DYNC1I2: variants seen among roughly 807,000 people sequenced by gnomAD.
DYNC1I2 encodes the protein cytoplasmic dynein 1 intermediate chain 2.
DYNC1I2 carries 53 observed loss-of-function variants against 88.6 expected under a neutral mutation model. The ratio of observed to expected loss-of-function variants is 0.60; its 90% CI spans 0.48 to 0.75. The LOEUF (loss-of-function observed/expected upper bound fraction) is 0.75. Ranked by LOEUF, DYNC1I2 falls within the 30% of genes least tolerant of loss-of-function variation. DYNC1I2 has a pLI of 0.00. For synonymous variants in DYNC1I2, 198 were observed against 254.6 expected, an observed-to-expected ratio of 0.78 and a Z score of 2.12; for missense variants, 458 against 766.6, an observed-to-expected ratio of 0.60 and a Z score of 4.75.
chr2:171,708,753 C>A (rs560094480), intron 5 of DYNC1I2, among the ~76,000 whole-genome samples: 1 of 151,894 alleles, frequency 6.6e-6, no homozygotes, highest in African/African-American at 2.4e-5. Flanking sequence ...AGGGCAGTGG[C>A]GCAATCTTGG....
At chr2:171,743,353 ATATGAG>A (rs1217139329) in intron 15 of DYNC1I2, among the ~76,000 whole-genome samples, 1 of 152,168 alleles carries the variant, frequency 6.6e-6, no homozygotes, top group African/African-American at 2.4e-5. Context: ...GCAGAAGAAA[ATATGAG>A]TATAAGTGGA....
chr2:171,736,403 A>G (rs534389615), intron 15 of DYNC1I2, among the ~76,000 whole-genome samples: 9 of 152,204 alleles, frequency 5.9e-5, no homozygotes, highest in Non-Finnish European at 1.3e-4. Flanking sequence ...AATGAAAAAC[A>G]TAACTGCCAG....
At chr2:171,708,398 AG>A (rs1686849932) in intron 5 of DYNC1I2, among the ~76,000 whole-genome samples, 1 of 152,224 alleles carries the variant, frequency 6.6e-6, no homozygotes, top group South Asian at 2.1e-4. Flanking sequence ...TTGAATAATC[AG>A]GTTATCATTA....
chr2:171,726,756 A>G (rs1415913442), intron 10 of DYNC1I2, 35 bp from the exon 11 acceptor site: 3 of 1,608,082 alleles, frequency 1.9e-6, no homozygotes, highest in Admixed American at 1.7e-5. Flanking sequence ...CTTATTATGC[A>G]TAGCATTTCT....
rs780755896 is a variant in DYNC1I2 at position 171,726,328 on chromosome 2, T to C, written c.870+35T>C. The C allele has an allele frequency of 5.7e-6, 8 of 1,411,132 alleles. 1 individual carries two copies. In the South Asian group the frequency reaches 1.0e-4, roughly 18 times the overall value. The allele number at this position is 1,411,132 out of a possible 1,614,324, so 87.4% of individuals were successfully genotyped here. On this transcript the variant is annotated intron_variant, in intron 10 of 17. Transcript: ENST00000397119. The stretch of plus-strand genomic sequence containing the variant: ...AACAAAATAGGCCGCTCTTAACTCA[T>C]TTTTAAAATTATAATTAGCAGGTCA...
intron 15 of DYNC1I2, among the ~76,000 whole-genome samples, chr2:171,737,827 G>A (rs1689117802): frequency 6.6e-6 from 1 of 151,120 alleles, no homozygotes; most frequent in African/African-American, 2.4e-5. Flanking sequence ...TAACTTTTAG[G>A]TTCAGGGGTA....
intron 3 of DYNC1I2, among the ~76,000 whole-genome samples, chr2:171,693,808 A>G (rs1685558983): frequency 6.6e-6 from 1 of 152,228 alleles, no homozygotes; most frequent in African/African-American, 2.4e-5. Context: ...AGACTGAAGT[A>G]TATTAATTTT....
At chr2:171,701,858 G>A (rs926345723) in intron 3 of DYNC1I2, among the ~76,000 whole-genome samples, 3 of 152,070 alleles carry the variant, frequency 2.0e-5, no homozygotes, top group South Asian at 2.1e-4. Flanking sequence ...TGAGTGGGGC[G>A]GAATAGTATC....
intron 3 of DYNC1I2, among the ~76,000 whole-genome samples, chr2:171,696,390 A>T (rs1332724379): frequency 6.6e-6 from 1 of 152,230 alleles, no homozygotes; most frequent in Non-Finnish European, 1.5e-5. Context: ...GCTAGGTATA[A>T]TGCAAATAGT....
At chr2:171,725,470 C>T (rs1257733950) in intron 7 of DYNC1I2, 148 bp from the exon 8 acceptor site, 18 of 544,026 alleles carry the variant, frequency 3.3e-5, no homozygotes, top group East Asian at 9.6e-5. Flanking sequence ...TTGTTCTGTC[C>T]GGTCAGTGGT....
chr2:171,736,939 C>T (rs1267148131), intron 15 of DYNC1I2, among the ~76,000 whole-genome samples: 1 of 152,198 alleles, frequency 6.6e-6, no homozygotes, highest in African/African-American at 2.4e-5. Flanking sequence ...CTTACCCCAG[C>T]TTTGAAAAAT....
intron 15 of DYNC1I2, among the ~76,000 whole-genome samples, chr2:171,733,313 G>A (rs1459093010): frequency 6.6e-6 from 1 of 151,952 alleles, no homozygotes; most frequent in East Asian, 1.9e-4. Context: ...TACTCCTTTG[G>A]GTATATACCC....
In DYNC1I2 at chr2:171,690,205, G is replaced by A. The variant is rs1254884865; in HGVS notation, c.50G>A (p.Arg17Gln). 2.6e-6 allele frequency: 4 copies of A among 1,552,932 alleles called. No individual in the cohort carries two copies. The highest frequency in any genetic ancestry group is 1.2e-5 in the South Asian group (1 of 83,616). Residue 17 changes from arginine to glutamine, a missense_variant, in exon 2 of 18, where the codon CGA (arginine) becomes CAA (glutamine). Around this residue, in one of 5 missense-constraint regions of DYNC1I2, gnomAD observed 10 missense variants for 34.1 expected, o/e 0.29. Coordinates refer to ENST00000397119, the MANE Select transcript of DYNC1I2 (RefSeq NM_001378.3). ...GCTGAGTTGGAACGTAAGAAGCAGC[G>A]ACTGGCCCAAATCAGAGAGGAAAAG... ...LKAELERKKQ[R>Q]LAQIREEKKR...
chr2:171,708,633 G>T (rs1686865625), intron 5 of DYNC1I2, among the ~76,000 whole-genome samples: 1 of 151,842 alleles, frequency 6.6e-6, no homozygotes, highest in African/African-American at 2.4e-5. Context: ...CATTTTTATA[G>T]GGTTAAAATT....
chr2:171,710,701 T>C (rs987306704), intron 5 of DYNC1I2, among the ~76,000 whole-genome samples: 2 of 147,874 alleles, frequency 1.4e-5, no homozygotes, highest in Admixed American at 1.4e-4. Context: ...CTTTTTTCCT[T>C]TTTTTTTTTT....
chr2:171,715,382 T>C lies in DYNC1I2; in HGVS notation c.450T>C (p.Pro150=). 6.4e-7 allele frequency: 1 copy of C among 1,569,814 alleles called. No homozygotes were observed. Among genetic ancestry groups the C allele is most frequent in the South Asian group, 1.2e-5 (1 of 85,162 alleles). Residue 150 remains proline, a synonymous_variant, in exon 7 of 18, where the codon CCT becomes CCC. Transcript: ENST00000397119. ...AAATCACGCAAGTCGACTTTCCTCC[T>C]CGAGAAATTGTCACGTATACAAAGG... The part of the protein sequence containing the change: ...MAKITQVDFP[P]REIVTYTKET...
At chr2:171,688,292 A>G (rs1685121803) in intron 1 of DYNC1I2, 2 of 152,162 alleles carry the variant, frequency 1.3e-5, no homozygotes, top group African/African-American at 2.4e-5. Context: ...ACAAAACTCT[A>G]GAGACTCTCT....
At chr2:171,721,024 C>T (rs1019307289) in intron 7 of DYNC1I2, among the ~76,000 whole-genome samples, 1 of 149,048 alleles carries the variant, frequency 6.7e-6, no homozygotes, top group African/African-American at 2.5e-5. Flanking sequence ...AGGTGGTGTG[C>T]ACCTGTAGTC....
chr2:171,734,392 T>G (rs1688861054), intron 15 of DYNC1I2, among the ~76,000 whole-genome samples: 1 of 152,226 alleles, frequency 6.6e-6, no homozygotes, highest in South Asian at 2.1e-4. Context: ...GATATTTTTA[T>G]TCTTGTATTT....
Sources: gnomAD v4.1 joint callset for allele counts (sites outside exome capture counted in the v4.1 genomes callset) on GRCh38, gnomAD v4.1.1 for gene constraint, gnomAD v4.1.1 regional missense constraint, MANE v1.5 for transcripts, NCBI Gene and HGNC (gene_info 2026-07-23, HGNC 2026-07-21) for gene names.